STK32A: variants seen among roughly 807,000 people sequenced by gnomAD.
STK32A encodes the protein serine/threonine kinase 32A, also known as serine/threonine-protein kinase 32A.
In STK32A, 41 loss-of-function variants were observed where a neutral mutation model predicts 53.2. The ratio of observed to expected loss-of-function variants is 0.77; its 90% CI spans 0.60 to 1.00. STK32A has a LOEUF of 1.00. Ranked by LOEUF, STK32A falls within the 50% of genes least tolerant of loss-of-function variation. STK32A has a pLI of 0.00. For synonymous variants in STK32A, 166 were observed against 162.8 expected, an observed-to-expected ratio of 1.02 and a Z score of -0.15; for missense variants, 458 against 485.8, an observed-to-expected ratio of 0.94 and a Z score of 0.54.
At chr5:147,367,735 A>C (rs531507536) in intron 8 of STK32A, among the ~76,000 whole-genome samples, 1 of 152,266 alleles carries the variant, frequency 6.6e-6, no homozygotes, top group Admixed American at 6.5e-5. Context: ...TAAGGCAGGA[A>C]CCAGCCATCT....
chr5:147,274,940 A>G (rs986041021), intron 2 of STK32A, among the ~76,000 whole-genome samples: 2 of 152,210 alleles, frequency 1.3e-5, no homozygotes, highest in Non-Finnish European at 2.9e-5. Context: ...TTGTGGGTTT[A>G]TATACATTCT....
intron 4 of STK32A, among the ~76,000 whole-genome samples, chr5:147,291,139 CTCATATAGCTCAGACTGCTCTGAGCTA>C (rs1752581362): frequency 6.6e-6 from 1 of 152,120 alleles, no homozygotes; most frequent in Non-Finnish European, 1.5e-5. Context: ...TTGTGCATAT[CTCATATAGCTCAGACTGCTCTGAGCTA>C]TTTTTGTTTT....
intron 5 of STK32A, among the ~76,000 whole-genome samples, chr5:147,327,049 C>T (rs569060453): frequency 2.0e-5 from 3 of 152,224 alleles, no homozygotes. Context: ...TGACAGTGTT[C>T]TGATAACCAG....
chr5:147,256,490 T>C (rs1376393631), intron 2 of STK32A, among the ~76,000 whole-genome samples: 1 of 152,140 alleles, frequency 6.6e-6, no homozygotes, highest in East Asian at 1.9e-4. Context: ...CAAAGTTTGC[T>C]TTAAGTCTTT....
At chr5:147,394,015 T>C in the STK32A span, 1 of 1,613,052 alleles carries the variant, frequency 6.2e-7, no homozygotes, top group African/African-American at 1.3e-5. Flanking sequence ...CTTCTGCCCC[T>C]CTCTTTGAGG....
At chr5:147,287,238 T>G (rs1246683959) in intron 4 of STK32A, among the ~76,000 whole-genome samples, 1 of 152,208 alleles carries the variant, frequency 6.6e-6, no homozygotes, top group Non-Finnish European at 1.5e-5. Context: ...TCTTTTCTTG[T>G]GTGTCAAGGT....
chr5:147,358,957 G>A (rs1392114001), intron 7 of STK32A, among the ~76,000 whole-genome samples: 1 of 152,138 alleles, frequency 6.6e-6, no homozygotes, highest in African/African-American at 2.4e-5. Flanking sequence ...AACAGAACAG[G>A]ACACAGTGAT....
chr5:147,246,380 T>C (rs561235623), intron 2 of STK32A, among the ~76,000 whole-genome samples: 4 of 152,348 alleles, frequency 2.6e-5, no homozygotes, highest in South Asian at 2.1e-4. Context: ...CAGTGACTTA[T>C]GAATACTTGT....
chr5:147,305,794 C>G (rs1171503566), intron 4 of STK32A, among the ~76,000 whole-genome samples: 1 of 151,726 alleles, frequency 6.6e-6, no homozygotes, highest in Non-Finnish European at 1.5e-5. Flanking sequence ...GCATTTGGAT[C>G]GTTTGCAATT....
intron 4 of STK32A, among the ~76,000 whole-genome samples, chr5:147,284,266 A>G (rs565948108): frequency 1.8e-4 from 28 of 152,270 alleles, no homozygotes; most frequent in African/African-American, 6.5e-4. Flanking sequence ...TACAAGGGAC[A>G]TAGGCCTTAA....
intron 8 of STK32A, among the ~76,000 whole-genome samples, chr5:147,362,445 T>A (rs1756551679): frequency 6.6e-6 from 1 of 152,190 alleles, no homozygotes; most frequent in Non-Finnish European, 1.5e-5. Flanking sequence ...ACTAATCCCA[T>A]CACGAGGGAC....
intron 5 of STK32A, among the ~76,000 whole-genome samples, chr5:147,337,761 G>A (rs182641688): frequency 2.6e-5 from 4 of 152,196 alleles, no homozygotes; most frequent in Admixed American, 6.5e-5. Context: ...TGTTAAAAGC[G>A]AACTATGGGC....
At chr5:147,285,822 G>A (rs1437120703) in intron 4 of STK32A, among the ~76,000 whole-genome samples, 15 of 152,052 alleles carry the variant, frequency 9.9e-5, no homozygotes, top group Non-Finnish European at 1.5e-5. Flanking sequence ...AGTGAACAGG[G>A]AACACTTCTA....
intron 2 of STK32A, among the ~76,000 whole-genome samples, chr5:147,261,342 A>T (rs2151947079): frequency 6.6e-6 from 1 of 152,312 alleles, no homozygotes; most frequent in Admixed American, 6.5e-5. Context: ...TGGACAAGGG[A>T]GGGGAAGGGG....
downstream of STK32A, among the ~76,000 whole-genome samples, chr5:147,388,029 A>G (rs1757718057): frequency 6.6e-6 from 1 of 152,190 alleles, no homozygotes; most frequent in Admixed American, 6.5e-5. Flanking sequence ...TTCTGCAACT[A>G]TGGAATGCAG....
At chr5:147,300,997 C>A (rs1476290709) in intron 4 of STK32A, among the ~76,000 whole-genome samples, 1 of 152,114 alleles carries the variant, frequency 6.6e-6, no homozygotes, top group Non-Finnish European at 1.5e-5. Flanking sequence ...TGAGAATCAA[C>A]TGATAAAAGG....
In STK32A at chr5:147,364,144, G is replaced by T. The variant is rs559552331; in HGVS notation, c.660+2530G>T. Among the ~76,000 whole-genome samples, 13 of 151,116 alleles carry T rather than the reference G, an allele frequency of 8.6e-5. No homozygotes were observed. The East Asian group carries it at 2.5e-3, about 29-fold the overall frequency. On this transcript the variant is annotated intron_variant, in intron 8 of 12. Transcript: ENST00000397936. ...GCAGGAGAATCACTTGAACCTGGGA[G>T]GTAGATGTTGCAGTGAGCTGAGAAC...
At chr5:147,382,177 A>C (rs1413290976) in intron 11 of STK32A, among the ~76,000 whole-genome samples, 1 of 152,098 alleles carries the variant, frequency 6.6e-6, no homozygotes, top group Non-Finnish European at 1.5e-5. Context: ...ATCAAGTTTG[A>C]TACTGATTCC....
intron 4 of STK32A, among the ~76,000 whole-genome samples, chr5:147,299,132 G>C (rs1029527418): frequency 2.0e-5 from 3 of 152,132 alleles, no homozygotes; most frequent in Admixed American, 6.5e-5. Flanking sequence ...CTACTCCATA[G>C]ACAGAGCAGC....
Sources: gnomAD v4.1 joint callset for allele counts (sites outside exome capture counted in the v4.1 genomes callset) on GRCh38, gnomAD v4.1.1 for gene constraint, MANE v1.5 for transcripts, NCBI Gene and HGNC (gene_info 2026-07-23, HGNC 2026-07-21) for gene names.